Variants in SLC14A2 observed in about 807,000 individuals in gnomAD.
SLC14A2 encodes solute carrier family 14 member 2.
A neutral mutation model predicts 104.6 loss-of-function variants in SLC14A2; 91 were observed. The ratio of observed to expected loss-of-function variants is 0.87; its 90% CI spans 0.73 to 1.04. The LOEUF is 1.04. Ranked by LOEUF, SLC14A2 falls within the 50% of genes least tolerant of loss-of-function variation. The probability of loss-of-function intolerance (pLI) is 0.00; values close to 1 mark genes in which losing one functional copy is unlikely to be tolerated. For missense variants in SLC14A2, 1,189 were observed against 1,156.0 expected, an observed-to-expected ratio of 1.03 and a Z score of -0.41; for synonymous variants, 476 against 466.4, an observed-to-expected ratio of 1.02 and a Z score of -0.27.
At chr18:45,322,587 C>T (rs1428036253) in intron 1 of SLC14A2, among the ~76,000 whole-genome samples, 1 of 152,226 alleles carries the variant, frequency 6.6e-6, no homozygotes, top group Non-Finnish European at 1.5e-5. Flanking sequence ...CAGCAAATGT[C>T]ATTTCCTGAT....
chr18:45,494,492 G>C (rs144580504), intron 2 of SLC14A2, among the ~76,000 whole-genome samples: 1 of 152,200 alleles, frequency 6.6e-6, no homozygotes, highest in East Asian at 1.9e-4. Context: ...CCACCTCCTG[G>C]GTTCAAGTGA....
At chr18:45,256,689 C>T (rs374046991) in intron 1 of SLC14A2, among the ~76,000 whole-genome samples, 1 of 152,200 alleles carries the variant, frequency 6.6e-6, no homozygotes, top group East Asian at 1.9e-4. Context: ...CTGGAAGGTT[C>T]AAATCCAACA....
At chr18:45,548,820 T>C (rs865789588) in intron 2 of SLC14A2, among the ~76,000 whole-genome samples, 2 of 152,348 alleles carry the variant, frequency 1.3e-5, no homozygotes, top group Middle Eastern at 6.8e-3. Context: ...ACTTAACCTG[T>C]AGCTGGAAGG....
chr18:45,343,369 C>T (rs566437251), intron 1 of SLC14A2, among the ~76,000 whole-genome samples: 9 of 152,038 alleles, frequency 5.9e-5, no homozygotes, highest in Admixed American at 5.2e-4. Context: ...GCTAGGGCGT[C>T]GGGGTGCTGC....
intron 1 of SLC14A2, among the ~76,000 whole-genome samples, chr18:45,357,215 G>A (rs1409499634): frequency 6.6e-6 from 1 of 150,852 alleles, no homozygotes; most frequent in Non-Finnish European, 1.5e-5. Flanking sequence ...ATTCTTTCCT[G>A]AGGCAGTGGC....
rs148706000 is a variant in SLC14A2, at chr18:45,667,069, G to A, written c.1692G>A (p.Met564Ile). The stretch of plus-strand genomic sequence containing the variant: ...CCCTCAGCTACATCACAGGAGAGAT[G>A]AAGGAGTGTGGAGAGGGACTTAAAG... Reference protein sequence around the residue: ...SKALSYITGEMKECGEGLKDK... With the variant: ...SKALSYITGEIKECGEGLKDK... The change falls in exon 13 of 20, where the codon ATG becomes ATA. Residue 564 changes from methionine (M) to isoleucine (I), a missense_variant. Transcript: ENST00000255226. The A allele has an allele frequency of 1.2e-4, 186 of 1,613,858 alleles. No homozygotes were observed. The African/African-American group carries it at 2.3e-3, about 20-fold the overall frequency.
intron 1 of SLC14A2, among the ~76,000 whole-genome samples, chr18:45,441,707 T>A (rs1334647565): frequency 1.3e-5 from 2 of 152,208 alleles, no homozygotes; most frequent in East Asian, 3.9e-4. Flanking sequence ...AAACCAGGAA[T>A]GAGGAAGCAT....
intron 2 of SLC14A2, among the ~76,000 whole-genome samples, chr18:45,592,150 C>A (rs74732553): frequency 0.04 from 6,115 of 152,214 alleles, 177 homozygotes; most frequent in South Asian, 0.062. Context: ...ATTGGCCCAG[C>A]GATAGCAGTT....
chr18:45,530,686 G>C (rs935804041), intron 2 of SLC14A2, among the ~76,000 whole-genome samples: 1 of 151,740 alleles, frequency 6.6e-6, no homozygotes, highest in Non-Finnish European at 1.5e-5. Flanking sequence ...AATTCTGTCT[G>C]CCACCTTTTC....
chr18:45,554,217 A>G (rs2044096856), intron 2 of SLC14A2, among the ~76,000 whole-genome samples: 1 of 152,218 alleles, frequency 6.6e-6, no homozygotes, highest in South Asian at 2.1e-4. Flanking sequence ...AGTCCCATAC[A>G]GTCAAAGCAG....
chr18:45,672,453 C>T (rs1029663583), intron 16 of SLC14A2, among the ~76,000 whole-genome samples: 4 of 151,548 alleles, frequency 2.6e-5, no homozygotes, highest in Non-Finnish European at 5.9e-5. Context: ...CTCTTGAACC[C>T]GGGAGGCGGA....
intron 1 of SLC14A2, among the ~76,000 whole-genome samples, chr18:45,304,872 T>C (rs2085002558): frequency 6.6e-6 from 1 of 152,246 alleles, no homozygotes; most frequent in Non-Finnish European, 1.5e-5. Context: ...CCCTGTTTCA[T>C]TGAGGAATGA....
Position 45,669,428 on chromosome 18 carries a change from T to TC in SLC14A2, c.2163dup (p.Thr722HisfsTer38). On this transcript the variant is annotated frameshift_variant, in exon 16 of 20. Transcript: ENST00000255226. LOFTEE classifies it high-confidence loss of function. Reference sequence around the variant, plus strand: ...GCCACGGGCCACTACAACCTTTTCTTCCCCACAACGCTGCTGCAGCCTGCA... The same window carrying TC: ...GCCACGGGCCACTACAACCTTTTCTTCCCCCACAACGCTGCTGCAGCCTGCA... The TC allele has an allele frequency of 1.9e-6, 3 of 1,613,924 alleles. No homozygotes were observed.
At position 45,439,430 on chromosome 18, in the gene SLC14A2, A is replaced by G. The variant is rs932224168; in HGVS notation, c.-124-43803A>G. On this transcript the variant is annotated intron_variant, in intron 1 of 20. Transcript: ENST00000586448. ...AAAAAACTCTACTGATTCTCATGCT[A>G]TGTATATATTCTGATTTTTTTTTTG... Among the ~76,000 whole-genome samples, 2 of 145,426 alleles carry G rather than the reference A, an allele frequency of 1.4e-5. 1 individual carries two copies. The highest frequency in any genetic ancestry group is 4.4e-4 in the South Asian group (2 of 4,530).
At chr18:45,571,747 C>G (rs897586943) in intron 2 of SLC14A2, among the ~76,000 whole-genome samples, 1 of 152,188 alleles carries the variant, frequency 6.6e-6, no homozygotes, top group African/African-American at 2.4e-5. Context: ...GACTCCCCAG[C>G]CTGCCAAGAC....
At chr18:45,458,706 G>A (rs2086988461) in intron 1 of SLC14A2, among the ~76,000 whole-genome samples, 1 of 152,156 alleles carries the variant, frequency 6.6e-6, no homozygotes, top group Admixed American at 6.5e-5. Flanking sequence ...AAGATGCAGA[G>A]AGAATTTTAA....
intron 1 of SLC14A2, among the ~76,000 whole-genome samples, chr18:45,278,261 T>C (rs1203436716): frequency 6.6e-6 from 1 of 152,244 alleles, no homozygotes; most frequent in Non-Finnish European, 1.5e-5. Flanking sequence ...AGATTCCCTG[T>C]TAAGACAGGG....
In SLC14A2 at chr18:45,640,135, G is replaced by A. The variant is rs148651133; in HGVS notation, c.991+242G>A. Among the ~76,000 whole-genome samples, 537 of 152,222 alleles carry A rather than the reference G, an allele frequency of 3.5e-3. 3 individuals carry two copies. Among genetic ancestry groups the A allele is most frequent in the African/African-American group, 9.4e-3 (390 of 41,504 alleles). On this transcript the variant is annotated intron_variant, in intron 7 of 19. Transcript: ENST00000255226. ...AAAAAAAAGTACAAAAATTAGCTGG[G>A]TGTGGTGGTGGGCACCCATAATCCC... is the stretch of plus-strand genomic sequence containing the variant.
At chr18:45,286,701 C>G (rs1034406829) in intron 1 of SLC14A2, among the ~76,000 whole-genome samples, 2 of 150,052 alleles carry the variant, frequency 1.3e-5, no homozygotes, top group East Asian at 4.0e-4. Context: ...CACACACTCT[C>G]TCTCACTCCC....
Sources: allele counts gnomAD v4.1 joint callset (sites outside exome capture counted in the v4.1 genomes callset), GRCh38; gene constraint gnomAD v4.1.1; transcripts MANE v1.5; gene names NCBI Gene and HGNC (gene_info 2026-07-23, HGNC 2026-07-21).